The following GFRA2 variants were observed in gnomAD, a reference collection of about 807,000 sequenced individuals.
GFRA2 encodes GDNF family receptor alpha-2.
GFRA2 carries 17 observed loss-of-function variants against 48.3 expected under a neutral mutation model. The observed-to-expected ratio is 0.35, with a 90% CI of 0.24 to 0.53. The LOEUF is 0.53. Ranked by LOEUF, GFRA2 falls within the 20% of genes least tolerant of loss-of-function variation. GFRA2 has a pLI of 0.93. For missense variants in GFRA2, 660 were observed against 637.3 expected (o/e 1.04, Z -0.38); for synonymous variants, 305 against 257.2 (o/e 1.19, Z -1.78).
chr8:21,765,092 TTTTC>T (rs1178779925), intron 3 of GFRA2, among the ~76,000 whole-genome samples: 2 of 150,400 alleles, frequency 1.3e-5, no homozygotes, highest in South Asian at 2.1e-4. Context: ...CTTTCTTTCT[TTTTC>T]TTTCTTTTTA....
At chr8:21,760,523 C>T (rs1353236557) in intron 3 of GFRA2, among the ~76,000 whole-genome samples, 4 of 151,890 alleles carry the variant, frequency 2.6e-5, no homozygotes, top group Non-Finnish European at 5.9e-5. Flanking sequence ...TATCATTTCA[C>T]GAAAAAGGAA....
intron 4 of GFRA2, among the ~76,000 whole-genome samples, chr8:21,747,744 G>T (rs1232139578): frequency 2.1e-5 from 3 of 140,474 alleles, no homozygotes; most frequent in African/African-American, 8.1e-5. Context: ...GCCCACTGCG[G>T]TCCATCTTCC....
At chr8:21,808,900 C>T (rs942012562) in intron 1 of GFRA2, among the ~76,000 whole-genome samples, 7 of 152,250 alleles carry the variant, frequency 4.6e-5, no homozygotes, top group African/African-American at 1.7e-4. Context: ...AATGAGTTTA[C>T]AGTACAATTG....
intron 4 of GFRA2, among the ~76,000 whole-genome samples, chr8:21,729,448 A>G (rs545846999): frequency 1.3e-5 from 2 of 152,132 alleles, no homozygotes; most frequent in East Asian, 3.9e-4. Context: ...TCTCCAAAAG[A>G]TCCCCAAGGG....
Position 21,690,838 on chromosome 8 carries a change from CCA to C in GFRA2, c.*2438_*2439del, listed in dbSNP as rs1488542868. The C allele has an allele frequency of 6.6e-6, 1 of 152,646 alleles. No individual in the cohort carries two copies. Among genetic ancestry groups the C allele is most frequent in the African/African-American group, 2.4e-5 (1 of 41,458 alleles). The allele number at this position is 152,646 out of a possible 1,614,324, so 9.5% of individuals were successfully genotyped here. A position where few individuals can be genotyped will look rare whatever the true frequency, so the allele number is the denominator to read the frequency against. ...TCGCCTCCCCTGGTCCCCCCACCTCCCACAAATTCCGTGAGCCACCTTCTCCC... is the reference window on the plus strand; with the variant it reads ...TCGCCTCCCCTGGTCCCCCCACCTCCCAAATTCCGTGAGCCACCTTCTCCC... On this transcript the variant is annotated 3_prime_UTR_variant, in exon 9 of 9. Transcript: ENST00000524240.
At chr8:21,729,802 T>A (rs2117490025) in intron 4 of GFRA2, among the ~76,000 whole-genome samples, 1 of 151,690 alleles carries the variant, frequency 6.6e-6, no homozygotes, top group East Asian at 1.9e-4. Context: ...AGAGAACGAC[T>A]CTCCTCTCCA....
intron 7 of GFRA2, among the ~76,000 whole-genome samples, chr8:21,697,131 G>GAAGGGGACAGAGGCA (rs1563211844): frequency 2.2e-5 from 3 of 134,994 alleles, no homozygotes; most frequent in African/African-American, 5.5e-5. Flanking sequence ...GAGAGAAGGG[G>GAAGGGGACAGAGGCA]GAGGGGACAG....
chr8:21,804,083 C>T (rs1184975493), intron 2 of GFRA2, among the ~76,000 whole-genome samples: 2 of 152,084 alleles, frequency 1.3e-5, no homozygotes, highest in Admixed American at 1.3e-4. Context: ...CATAACATAT[C>T]AGAGCAGGAA....
At chr8:21,747,741 G>A (rs185520341) in intron 4 of GFRA2, among the ~76,000 whole-genome samples, 28 of 146,486 alleles carry the variant, frequency 1.9e-4, no homozygotes, top group African/African-American at 6.6e-4. Context: ...CGGGCCCACT[G>A]CGGTCCATCT....
chr8:21,705,791 C>T (rs1034056045), intron 5 of GFRA2, 141 bp downstream of exon 5: 8 of 612,812 alleles, frequency 1.3e-5, no homozygotes, highest in Non-Finnish European at 2.3e-5. Context: ...GGTTTCCCCT[C>T]GCAGCTCTCT....
intron 4 of GFRA2, among the ~76,000 whole-genome samples, chr8:21,742,764 A>G (rs1348388649): frequency 6.6e-6 from 1 of 152,130 alleles, no homozygotes; most frequent in Non-Finnish European, 1.5e-5. Flanking sequence ...CGAATGGGTC[A>G]CTCCTCCCCA....
chr8:21,785,788 T>G (rs1807241670), intron 1 of GFRA2, among the ~76,000 whole-genome samples: 1 of 152,086 alleles, frequency 6.6e-6, no homozygotes, highest in South Asian at 2.1e-4. Flanking sequence ...CCATGGGTTA[T>G]CCAGCCCAGA....
chr8:21,744,481 A>G (rs987644697), intron 4 of GFRA2, among the ~76,000 whole-genome samples: 3 of 151,938 alleles, frequency 2.0e-5, no homozygotes, highest in Non-Finnish European at 4.4e-5. Flanking sequence ...CCGCTTCCAA[A>G]TGAGGCCTGG....
chr8:21,720,633 C>A (rs959121831), intron 4 of GFRA2, among the ~76,000 whole-genome samples: 2 of 152,154 alleles, frequency 1.3e-5, no homozygotes, highest in African/African-American at 4.8e-5. Context: ...CAAACACACA[C>A]GTTCCCCAGC....
At chr8:21,709,815 T>C (rs553425951) in intron 4 of GFRA2, among the ~76,000 whole-genome samples, 1 of 152,306 alleles carries the variant, frequency 6.6e-6, no homozygotes, top group East Asian at 1.9e-4. Context: ...GGACCTCGAC[T>C]GGCCTCACCA....
At chr8:21,806,133 T>C (rs1807861515) in intron 1 of GFRA2, among the ~76,000 whole-genome samples, 1 of 152,238 alleles carries the variant, frequency 6.6e-6, no homozygotes, top group South Asian at 2.1e-4. Flanking sequence ...TTCCCCTTTT[T>C]GCTTTCTTTT....
At chr8:21,744,229 CCT>C (rs1365539678) in intron 4 of GFRA2, among the ~76,000 whole-genome samples, 2 of 152,148 alleles carry the variant, frequency 1.3e-5, no homozygotes, top group Non-Finnish European at 2.9e-5. Context: ...CTTCCCACCC[CCT>C]GAGGACAGCC....
rs2117297049 is a variant in GFRA2, at chr8:21,691,581, C to A, written c.*1697G>T. The A allele has an allele frequency of 6.6e-6, 1 of 152,416 alleles. No individual in the cohort carries two copies. The highest frequency in any genetic ancestry group is 2.1e-4 in the South Asian group (1 of 4,830). The allele number at this position is 152,416 out of a possible 1,614,324, so 9.4% of individuals were successfully genotyped here. The stretch of plus-strand genomic sequence containing the variant: ...CACACATCTCAAATAAGCCAGGAGT[C>A]CCAGAGGGACATACCACTTTGCTCT... On this transcript the variant is annotated 3_prime_UTR_variant, in exon 9 of 9. Coordinates refer to ENST00000524240, the MANE Select transcript of GFRA2 (RefSeq NM_001495.5).
At chr8:21,708,540 C>T (rs10092949) in intron 4 of GFRA2, among the ~76,000 whole-genome samples, 6,130 of 152,252 alleles carry the variant, frequency 0.04, 366 homozygotes, top group African/African-American at 0.13. Context: ...TTTTAATCCC[C>T]AGGACCTATA....
Sources: gnomAD v4.1 joint callset for allele counts (sites outside exome capture counted in the v4.1 genomes callset) on GRCh38, gnomAD v4.1.1 for gene constraint, MANE v1.5 for transcripts, NCBI Gene and HGNC (gene_info 2026-07-23, HGNC 2026-07-21) for gene names.